The following SPECC1 variants were observed in gnomAD, a reference collection of about 807,000 sequenced individuals.
SPECC1 encodes sperm antigen with calponin homology and coiled-coil domains 1.
A neutral mutation model predicts 104.1 loss-of-function variants in SPECC1; 62 were observed. The ratio of observed to expected loss-of-function variants is 0.60; its 90% CI spans 0.49 to 0.74. The LOEUF (loss-of-function observed/expected upper bound fraction) is 0.74. Ranked by LOEUF, SPECC1 falls within the 30% of genes least tolerant of loss-of-function variation. The pLI is 0.00. For synonymous variants in SPECC1, 513 were observed against 501.6 expected (o/e 1.02, Z -0.30); for missense variants, 1,306 against 1,310.5 (o/e 1.00, Z 0.05).
chr17:20,079,569 C>T (rs1477186049), intron 1 of SPECC1, among the ~76,000 whole-genome samples: 4 of 152,090 alleles, frequency 2.6e-5, no homozygotes, highest in African/African-American at 9.7e-5. Flanking sequence ...GGATTACAAG[C>T]GTGAACCACT....
chr17:20,129,176 GTTTTGTTTTT>G (rs1363254583), intron 3 of SPECC1, among the ~76,000 whole-genome samples: 14 of 149,888 alleles, frequency 9.3e-5, no homozygotes, highest in Admixed American at 2.0e-4. Flanking sequence ...TGCCTGGCCT[GTTTTGTTTTT>G]TTTTGTTTTT....
rs1226925197 is a variant in SPECC1 at position 20,257,488 on chromosome 17, C to T, written c.2718C>T (p.Asp906=). ...LKGRTETLKP[D]PHLRKSPSLE... ...GAAGGACTGAGACCCTGAAGCCAGA[C>T]CCCCACCTCCGCAAGAGTCCCTCAC... The change falls in exon 11 of 15, where the codon GAC becomes GAT. Residue 906 remains aspartate, a synonymous_variant. Coordinates refer to ENST00000395527, the MANE Select transcript of SPECC1 (RefSeq NM_001243439.2). The T allele has an allele frequency of 2.5e-6, 4 of 1,605,500 alleles. No homozygotes were observed. Among genetic ancestry groups the T allele is most frequent in the Admixed American group, 1.8e-5 (1 of 57,054 alleles).
At chr17:20,013,777 A>T (rs1168828461) in intron 1 of SPECC1, among the ~76,000 whole-genome samples, 1 of 152,220 alleles carries the variant, frequency 6.6e-6, no homozygotes, top group Non-Finnish European at 1.5e-5. Flanking sequence ...TGCTGAGATT[A>T]CAGGCATGAA....
intron 1 of SPECC1, among the ~76,000 whole-genome samples, chr17:20,051,064 TTCTTTTTCTTTCTTTCTTTC>T (rs2045724990): frequency 5.4e-5 from 7 of 129,508 alleles, no homozygotes; most frequent in Non-Finnish European, 8.6e-5. Context: ...CTTTCTTTCT[TTCTTTTTCTTTCTTTCTTTC>T]TTTCTTTCTT....
chr17:20,045,672 G>A (rs113439143), intron 1 of SPECC1, among the ~76,000 whole-genome samples: 5 of 152,286 alleles, frequency 3.3e-5, no homozygotes, highest in African/African-American at 9.6e-5. Context: ...GAATGTCTAA[G>A]TTGGTACATC....
chr17:20,165,097 T>G (rs1436003948), intron 3 of SPECC1, among the ~76,000 whole-genome samples: 1 of 152,190 alleles, frequency 6.6e-6, no homozygotes, highest in African/African-American at 2.4e-5. Flanking sequence ...GTTTGTTACA[T>G]AAGTAAACGT....
At chr17:20,154,141 GTTCATTCATTTGTT>G (rs1375147857) in intron 3 of SPECC1, among the ~76,000 whole-genome samples, 2 of 152,152 alleles carry the variant, frequency 1.3e-5, no homozygotes, top group Admixed American at 6.5e-5. Flanking sequence ...CTATACATTG[GTTCATTCATTTGTT>G]TTCATTCATT....
chr17:20,057,298 G>A (rs966142374), intron 1 of SPECC1, among the ~76,000 whole-genome samples: 4 of 152,046 alleles, frequency 2.6e-5, no homozygotes, highest in African/African-American at 4.8e-5. Flanking sequence ...AAAAGTAGCC[G>A]GGCGTGGTGG....
intron 4 of SPECC1, among the ~76,000 whole-genome samples, chr17:20,206,688 T>C (rs908176836): frequency 1.4e-4 from 22 of 152,288 alleles, no homozygotes; most frequent in Non-Finnish European, 2.1e-4. Context: ...TATATCTATC[T>C]TACTGTTTAT....
chr17:20,264,342 A>G (rs997113925), intron 12 of SPECC1, among the ~76,000 whole-genome samples: 3 of 151,362 alleles, frequency 2.0e-5, no homozygotes, highest in Admixed American at 6.6e-5. Flanking sequence ...TCACCCAGGT[A>G]GTAAGCATAG....
At chr17:20,117,703 CAAA>C (rs1157847856) in intron 3 of SPECC1, among the ~76,000 whole-genome samples, 3 of 59,600 alleles carry the variant, frequency 5.0e-5, no homozygotes, top group Non-Finnish European at 1.0e-4. Context: ...ATGATTGTCT[CAAA>C]AAAAAAAAAA....
chr17:20,147,323 G>C (rs1457353743), intron 3 of SPECC1, among the ~76,000 whole-genome samples: 2 of 151,976 alleles, frequency 1.3e-5, no homozygotes, highest in African/African-American at 4.8e-5. Flanking sequence ...TGCCTGCCTT[G>C]GCCTCCCAAA....
intron 1 of SPECC1, among the ~76,000 whole-genome samples, chr17:20,091,621 G>T (rs1329001054): frequency 6.6e-6 from 1 of 152,152 alleles, no homozygotes; most frequent in Admixed American, 6.5e-5. Context: ...GAGCAAATTC[G>T]ACCCATGTTC....
At chr17:20,250,280 G>A (rs2039571945) in intron 9 of SPECC1, among the ~76,000 whole-genome samples, 3 of 152,092 alleles carry the variant, frequency 2.0e-5, no homozygotes. Flanking sequence ...AAAACCAGAT[G>A]TTTTTTCCTA....
At chr17:20,235,131 G>A (rs2038832291) in intron 7 of SPECC1, among the ~76,000 whole-genome samples, 1 of 152,162 alleles carries the variant, frequency 6.6e-6, no homozygotes. Flanking sequence ...GCTGTTCTCT[G>A]GACTGGTTGG....
At chr17:20,041,917 G>C (rs1339446911) in intron 1 of SPECC1, among the ~76,000 whole-genome samples, 1 of 152,034 alleles carries the variant, frequency 6.6e-6, no homozygotes, top group Non-Finnish European at 1.5e-5. Flanking sequence ...GAGCCACCGC[G>C]CCCAGCCTGT....
chr17:20,088,267 T>A (rs994863116), intron 1 of SPECC1, among the ~76,000 whole-genome samples: 1 of 152,180 alleles, frequency 6.6e-6, no homozygotes, highest in Non-Finnish European at 1.5e-5. Context: ...TGAAAAAAAG[T>A]CACATAACAT....
intron 14 of SPECC1, among the ~76,000 whole-genome samples, chr17:20,310,408 T>G (rs2041898314): frequency 6.6e-6 from 1 of 152,174 alleles, no homozygotes; most frequent in Non-Finnish European, 1.5e-5. Flanking sequence ...TTTTTGACGT[T>G]CTATCAATAG....
chr17:20,207,190 C>A (rs1463933925), intron 4 of SPECC1, among the ~76,000 whole-genome samples: 1 of 152,132 alleles, frequency 6.6e-6, no homozygotes, highest in East Asian at 1.9e-4. Flanking sequence ...GCAAATTATG[C>A]CATGAGCTCT....
Sources: gnomAD v4.1 joint callset for allele counts (sites outside exome capture counted in the v4.1 genomes callset) on GRCh38, gnomAD v4.1.1 for gene constraint, MANE v1.5 for transcripts, NCBI Gene and HGNC (gene_info 2026-07-23, HGNC 2026-07-21) for gene names.